SPAG16: variants seen among roughly 807,000 people sequenced by gnomAD.
SPAG16 encodes the protein sperm-associated antigen 16 protein.
Under a neutral mutation model 80.4 loss-of-function variants are expected in SPAG16, and 86 were observed. The observed-to-expected ratio is 1.07, with a 90% confidence interval of 0.90 to 1.28. The LOEUF is 1.28. Among genes scored for constraint, SPAG16 ranks in the 50% most tolerant of loss-of-function variants. The pLI, the probability that SPAG16 is intolerant of heterozygous loss-of-function variation, is 0.00. For missense variants in SPAG16, 870 were observed against 765.3 expected, an observed-to-expected ratio of 1.14 and a Z score of -1.61; for synonymous variants, 294 against 265.9, an observed-to-expected ratio of 1.11 and a Z score of -1.03.
At chr2:214,186,050 T>G (rs75380841) in intron 15 of SPAG16, among the ~76,000 whole-genome samples, 1 of 106,472 alleles carries the variant, frequency 9.4e-6, no homozygotes, top group Non-Finnish European at 2.0e-5. Context: ...AAAATAATGT[T>G]CAAAAAATAA....
At chr2:213,784,722 GAA>G (rs2125591230) in intron 10 of SPAG16, among the ~76,000 whole-genome samples, 1 of 142,974 alleles carries the variant, frequency 7.0e-6, no homozygotes, top group South Asian at 2.2e-4. Context: ...ATAATGGAAA[GAA>G]AAGAGAAGCA....
intron 10 of SPAG16, among the ~76,000 whole-genome samples, chr2:213,756,498 A>G (rs747561049): frequency 6.6e-6 from 1 of 152,184 alleles, no homozygotes; most frequent in Non-Finnish European, 1.5e-5. Context: ...CTATGCCCAG[A>G]TAAATCTTTA....
At chr2:213,402,866 G>T (rs1283853360) in intron 9 of SPAG16, among the ~76,000 whole-genome samples, 4 of 152,162 alleles carry the variant, frequency 2.6e-5, no homozygotes, top group Non-Finnish European at 4.4e-5. Context: ...TTGCTATTGT[G>T]AATAGTGCCG....
chr2:214,368,450 T>C (rs1699617841), intron 15 of SPAG16, among the ~76,000 whole-genome samples: 1 of 152,118 alleles, frequency 6.6e-6, no homozygotes, highest in Non-Finnish European at 1.5e-5. Flanking sequence ...AGTAGAGACT[T>C]CATTTTTCTT....
At chr2:213,818,742 G>T (rs144676353) in intron 10 of SPAG16, among the ~76,000 whole-genome samples, 83 of 152,254 alleles carry the variant, frequency 5.5e-4, no homozygotes, top group African/African-American at 1.7e-3. Context: ...GGAGGTGATT[G>T]TACCATGGGG....
intron 11 of SPAG16, among the ~76,000 whole-genome samples, chr2:213,902,456 G>A (rs1218653214): frequency 1.3e-5 from 2 of 152,168 alleles, no homozygotes. Context: ...AGAAAATGAG[G>A]AAGGTGCCAA....
intron 10 of SPAG16, among the ~76,000 whole-genome samples, chr2:213,555,877 A>G (rs2059408428): frequency 1.3e-5 from 2 of 152,204 alleles, no homozygotes; most frequent in South Asian, 4.1e-4. Context: ...AAACTATTAA[A>G]ATAATAATAG....
intron 9 of SPAG16, among the ~76,000 whole-genome samples, chr2:213,439,458 G>A (rs370782596): frequency 6.6e-6 from 1 of 152,170 alleles, no homozygotes; most frequent in African/African-American, 2.4e-5. Context: ...GGAAGAAGGG[G>A]AACTATCATT....
chr2:213,611,310 A>C (rs1397085862), intron 10 of SPAG16, among the ~76,000 whole-genome samples: 1 of 152,234 alleles, frequency 6.6e-6, no homozygotes. Flanking sequence ...TTAAAATAAA[A>C]GTCAAAAACA....
intron 13 of SPAG16, among the ~76,000 whole-genome samples, chr2:214,017,335 A>C (rs1409281861): frequency 6.6e-6 from 1 of 152,204 alleles, no homozygotes; most frequent in African/African-American, 2.4e-5. Context: ...ATATATTTTG[A>C]ACTAAAAACT....
chr2:213,394,776 A>G (rs996029770), intron 9 of SPAG16, among the ~76,000 whole-genome samples: 2 of 152,172 alleles, frequency 1.3e-5, no homozygotes, highest in African/African-American at 4.8e-5. Flanking sequence ...GTAGCTGATC[A>G]TGTTATTAAA....
intron 15 of SPAG16, among the ~76,000 whole-genome samples, chr2:214,355,768 T>C (rs368550408): frequency 2.6e-5 from 4 of 151,956 alleles, no homozygotes; most frequent in African/African-American, 9.7e-5. Context: ...GACTTGGAAC[T>C]AACCCAAATG....
intron 9 of SPAG16, among the ~76,000 whole-genome samples, chr2:213,401,850 C>T (rs1036851822): frequency 1.3e-5 from 2 of 151,916 alleles, no homozygotes; most frequent in Non-Finnish European, 2.9e-5. Context: ...TTTGTTTTCA[C>T]TATGTATTTT....
At chr2:213,636,727 G>T (rs939135100) in intron 10 of SPAG16, among the ~76,000 whole-genome samples, 11 of 152,216 alleles carry the variant, frequency 7.2e-5, no homozygotes, top group African/African-American at 2.4e-4. Flanking sequence ...TTGTAAAAGG[G>T]GTTCAGTTCT....
intron 13 of SPAG16, among the ~76,000 whole-genome samples, chr2:214,106,486 CTG>C (rs2053390132): frequency 6.6e-6 from 1 of 152,142 alleles, no homozygotes; most frequent in Admixed American, 6.6e-5. Flanking sequence ...ATTTTGCACT[CTG>C]TGAACAAAGA....
intron 11 of SPAG16, among the ~76,000 whole-genome samples, chr2:213,913,674 T>C (rs2077808034): frequency 8.3e-6 from 1 of 120,344 alleles, no homozygotes; most frequent in Non-Finnish European, 1.8e-5. Flanking sequence ...TATGTACATA[T>C]GGATATATAT....
Position 214,352,556 on chromosome 2 carries a change from C to CTGTGTGTGTGTGTGTGTGTGTG in SPAG16, c.1721-57583_1721-57582insGTGTGTGTGTGTGTGTGTGTGT, listed in dbSNP as rs71409878. Reference sequence around the variant, plus strand: ...ATGCTTTTTGTCCTTGACTTTTTTTCTCTGTGTGTGTGTGTGTGTATGTGT... The same window carrying CTGTGTGTGTGTGTGTGTGTGTG: ...ATGCTTTTTGTCCTTGACTTTTTTTCTGTGTGTGTGTGTGTGTGTGTGTCTGTGTGTGTGTGTGTGTATGTGT... On this transcript the variant is annotated intron_variant, in intron 15 of 15. Transcript: ENST00000331683. Among the ~76,000 whole-genome samples the CTGTGTGTGTGTGTGTGTGTGTG allele has an allele frequency of 1.0e-3, 97 of 96,076 alleles. 1 individual carries two copies. The Middle Eastern group carries it at 0.018, about 18-fold the overall frequency. The allele number at this position is 96,076 out of a possible 152,430, so 63.0% of individuals were successfully genotyped here. A position where few individuals can be genotyped will look rare whatever the true frequency, so the allele number is the denominator to read the frequency against.
intron 10 of SPAG16, among the ~76,000 whole-genome samples, chr2:213,670,389 TA>T (rs2063773807): frequency 1.3e-5 from 2 of 152,124 alleles, no homozygotes; most frequent in South Asian, 4.1e-4. Flanking sequence ...TAATATTTTT[TA>T]AAAATACTAA....
At chr2:214,262,197 A>G (rs531987987) in intron 15 of SPAG16, among the ~76,000 whole-genome samples, 1 of 152,230 alleles carries the variant, frequency 6.6e-6, no homozygotes, top group South Asian at 2.1e-4. Flanking sequence ...TATAAGAAAA[A>G]CATTTATCAA....
Sources: gnomAD v4.1 joint callset for allele counts (sites outside exome capture counted in the v4.1 genomes callset) on GRCh38, gnomAD v4.1.1 for gene constraint, MANE v1.5 for transcripts, NCBI Gene and HGNC (gene_info 2026-07-23, HGNC 2026-07-21) for gene names.